The following BIN3 variants were observed in gnomAD, a reference collection of about 807,000 sequenced individuals.
The protein encoded by BIN3 is bridging integrator 3.
BIN3 carries 41 observed loss-of-function variants against 38.2 expected under a neutral mutation model. The observed-to-expected ratio is 1.07, with a 90% CI of 0.84 to 1.39. The LOEUF is 1.39. BIN3 is among the 40% of genes most tolerant of loss of function. The probability of loss-of-function intolerance (pLI) is 0.00; values close to 1 mark genes in which losing one functional copy is unlikely to be tolerated. For missense variants in BIN3, 361 were observed against 324.3 expected (o/e 1.11, Z -0.87); for synonymous variants, 145 against 122.6 (o/e 1.18, Z -1.21).
At chr8:22,630,056 C>A in intron 5 of BIN3, 52 bp from the exon 6 acceptor site, 1 of 1,535,174 alleles carries the variant, frequency 6.5e-7, no homozygotes, top group Non-Finnish European at 8.9e-7. Flanking sequence ...GGGAGGGCGA[C>A]ACGCAAGGCA....
At chr8:22,655,589 G>T (rs1803031432) in intron 1 of BIN3, among the ~76,000 whole-genome samples, 1 of 152,110 alleles carries the variant, frequency 6.6e-6, no homozygotes, top group South Asian at 2.1e-4. Flanking sequence ...GTCCATATAT[G>T]TAAGGGTTTA....
chr8:22,638,810 G>A (rs536961153), intron 2 of BIN3, among the ~76,000 whole-genome samples: 11 of 152,164 alleles, frequency 7.2e-5, no homozygotes, highest in Admixed American at 4.6e-4. Flanking sequence ...TGGTGCCCCC[G>A]CCTCCCATCC....
intron 6 of BIN3, chr8:22,625,715 A>C (rs1801981383): frequency 3.3e-6 from 1 of 301,836 alleles, no homozygotes; most frequent in African/African-American, 2.1e-5. Flanking sequence ...AGCCTCCCGA[A>C]GAGCTAGGAT....
At chr8:22,637,061 G>C in intron 2 of BIN3, 99 bp from the exon 3 acceptor site, 1 of 1,067,912 alleles carries the variant, frequency 9.4e-7, no homozygotes, top group Non-Finnish European at 1.4e-6. Flanking sequence ...GCCCCAGTCC[G>C]CAGAAAACAA....
intron 1 of BIN3, among the ~76,000 whole-genome samples, chr8:22,664,808 G>C (rs1276572472): frequency 6.6e-6 from 1 of 152,226 alleles, no homozygotes; most frequent in Non-Finnish European, 1.5e-5. Flanking sequence ...CAAAGGACGG[G>C]AAAGCCATCT....
At chr8:22,655,834 GT>G (rs1160178993) in intron 1 of BIN3, among the ~76,000 whole-genome samples, 1 of 152,120 alleles carries the variant, frequency 6.6e-6, no homozygotes, top group African/African-American at 2.4e-5. Flanking sequence ...CTAGTCCATT[GT>G]TTTAACATAG....
chr8:22,666,336 T>TAGGG (rs1175306595), intron 1 of BIN3, among the ~76,000 whole-genome samples: 1 of 109,984 alleles, frequency 9.1e-6, no homozygotes, highest in Non-Finnish European at 1.8e-5. Flanking sequence ...GAGACAGAAA[T>TAGGG]AGGGAGGGAG....
chr8:22,620,811 G>C lies in BIN3; in HGVS notation c.*611C>G, dbSNP rs1172195767. 6.6e-6 allele frequency: 1 copy of C among 152,270 alleles called. No homozygotes were observed. Among genetic ancestry groups the C allele is most frequent in the Admixed American group, 6.5e-5 (1 of 15,288 alleles). The allele number at this position is 152,270 out of a possible 1,614,324, so 9.4% of individuals were successfully genotyped here. On this transcript the variant is annotated 3_prime_UTR_variant, in exon 9 of 9. Transcript: ENST00000276416. ...TGCTTTGAGACCTGTGAATTCTTGT[G>C]GGACAGTTCCACTGACAGCTTGCGT...
At chr8:22,667,537 A>G (rs1803460871) in intron 1 of BIN3, among the ~76,000 whole-genome samples, 1 of 152,248 alleles carries the variant, frequency 6.6e-6, no homozygotes, top group South Asian at 2.1e-4. Context: ...AAGGATATCT[A>G]TATTGCAAGA....
intron 6 of BIN3, chr8:22,626,081 A>T (rs1000673743): frequency 6.6e-6 from 1 of 152,454 alleles, no homozygotes; most frequent in Non-Finnish European, 1.5e-5. Flanking sequence ...AACAGTGTCC[A>T]TAAGGGGCTC....
At chr8:22,639,019 G>A (rs1421734693) in intron 2 of BIN3, among the ~76,000 whole-genome samples, 1 of 152,226 alleles carries the variant, frequency 6.6e-6, no homozygotes, top group Non-Finnish European at 1.5e-5. Flanking sequence ...AGGAACCAAA[G>A]TCTTAGCTAA....
chr8:22,629,306 C>G (rs545107005), intron 6 of BIN3, among the ~76,000 whole-genome samples: 245 of 152,222 alleles, frequency 1.6e-3, no homozygotes, highest in African/African-American at 5.7e-3. Context: ...ACAGCCTGCT[C>G]GAGAGAGGCC....
chr8:22,628,788 C>A (rs1162853285), intron 6 of BIN3, among the ~76,000 whole-genome samples: 1 of 152,158 alleles, frequency 6.6e-6, no homozygotes, highest in Non-Finnish European at 1.5e-5. Flanking sequence ...TGGGCAGGGT[C>A]TGCTCAGTCT....
intron 1 of BIN3, among the ~76,000 whole-genome samples, chr8:22,659,874 G>A (rs1182704549): frequency 6.6e-6 from 1 of 152,190 alleles, no homozygotes; most frequent in Non-Finnish European, 1.5e-5. Flanking sequence ...CACACAGTAA[G>A]CAGTCTGTTT....
chr8:22,644,423 G>A (rs1201512758), intron 2 of BIN3, among the ~76,000 whole-genome samples: 1 of 152,224 alleles, frequency 6.6e-6, no homozygotes, highest in Non-Finnish European at 1.5e-5. Context: ...ACTCTTTCAG[G>A]AACACTCTTA....
intron 2 of BIN3, among the ~76,000 whole-genome samples, chr8:22,640,826 T>C (rs958393869): frequency 1.3e-5 from 2 of 152,138 alleles, no homozygotes; most frequent in African/African-American, 4.8e-5. Context: ...TTGATCATCC[T>C]GGAAGCTGAG....
At chr8:22,662,052 C>A (rs531982056) in intron 1 of BIN3, among the ~76,000 whole-genome samples, 157 of 152,372 alleles carry the variant, frequency 1.0e-3, no homozygotes, top group African/African-American at 3.6e-3. Flanking sequence ...GCCTCTGCCT[C>A]CCAAAGCGCT....
Position 22,669,079 on chromosome 8 carries a change from G to T in BIN3, c.-28C>A. The T allele has an allele frequency of 2.5e-6, 4 of 1,590,574 alleles. No individual in the cohort carries two copies. Among genetic ancestry groups the T allele is most frequent in the Non-Finnish European group, 3.4e-6 (4 of 1,168,828 alleles). ...TCCCGAACCTGCGTCTGCCGCCGGG[G>T]TCCTCAGCCACAACTCGTTTCTCTA... On this transcript the variant is annotated 5_prime_UTR_variant, in exon 1 of 9. Coordinates refer to ENST00000276416, the MANE Select transcript of BIN3 (RefSeq NM_018688.6).
intron 1 of BIN3, among the ~76,000 whole-genome samples, chr8:22,649,723 C>A (rs947041722): frequency 6.6e-6 from 1 of 150,840 alleles, no homozygotes; most frequent in African/African-American, 2.4e-5. Context: ...AACAAACAAA[C>A]AAAAAAACAC....
Sources: allele counts gnomAD v4.1 joint callset (sites outside exome capture counted in the v4.1 genomes callset), GRCh38; gene constraint gnomAD v4.1.1; transcripts MANE v1.5; gene names NCBI Gene and HGNC (gene_info 2026-07-23, HGNC 2026-07-21).